Variants in ARHGAP22 observed in about 807,000 individuals in gnomAD.
The protein encoded by ARHGAP22 is Rho GTPase activating protein 22.
Under a neutral mutation model 59.1 loss-of-function variants are expected in ARHGAP22, and 48 were observed. That is an observed-to-expected ratio of 0.81 (90% confidence interval 0.64 to 1.03). ARHGAP22 has a LOEUF of 1.03. ARHGAP22 is among the 50% of genes least tolerant of loss of function. ARHGAP22 has a pLI of 0.00. For missense variants in ARHGAP22, 1,015 were observed against 958.7 expected (o/e 1.06, Z -0.78); for synonymous variants, 445 against 416.4 (o/e 1.07, Z -0.84).
chr10:48,539,086 C>A (rs2055651659), intron 3 of ARHGAP22, among the ~76,000 whole-genome samples: 1 of 152,158 alleles, frequency 6.6e-6, no homozygotes, highest in South Asian at 2.1e-4. Flanking sequence ...CTCACCATTG[C>A]CTTGACCAGC....
upstream of ARHGAP22, among the ~76,000 whole-genome samples, chr10:48,654,665 G>A (rs1281722037): frequency 3.1e-4 from 10 of 32,470 alleles, no homozygotes; most frequent in South Asian, 4.7e-3. Flanking sequence ...AGACTGCCCC[G>A]CTGGTGTGGT....
intron 3 of ARHGAP22, among the ~76,000 whole-genome samples, chr10:48,543,329 C>A (rs945698169): frequency 6.6e-6 from 1 of 152,108 alleles, no homozygotes; most frequent in Non-Finnish European, 1.5e-5. Flanking sequence ...GAGCACAGTG[C>A]CCAGAATCAA....
At chr10:48,503,900 C>T (rs1444776138) in intron 3 of ARHGAP22, among the ~76,000 whole-genome samples, 1 of 152,240 alleles carries the variant, frequency 6.6e-6, no homozygotes, top group Non-Finnish European at 1.5e-5. Flanking sequence ...AGATATGAAC[C>T]CCGGCTGGCC....
chr10:48,553,811 T>C (rs1453794429), intron 3 of ARHGAP22, among the ~76,000 whole-genome samples: 1 of 152,216 alleles, frequency 6.6e-6, no homozygotes, highest in Non-Finnish European at 1.5e-5. Context: ...ACACAGGTGA[T>C]GTCCCTTATC....
At chr10:48,552,453 C>T (rs73298285) in intron 3 of ARHGAP22, among the ~76,000 whole-genome samples, 12,312 of 152,322 alleles carry the variant, frequency 0.081, 551 homozygotes, top group Middle Eastern at 0.12. Context: ...CCCCTTGTCC[C>T]CCCAGATGCA....
At chr10:48,489,686 T>C (rs974670395) in intron 3 of ARHGAP22, among the ~76,000 whole-genome samples, 3 of 152,128 alleles carry the variant, frequency 2.0e-5, no homozygotes, top group African/African-American at 7.2e-5. Context: ...GCCACTGTGT[T>C]TCCACCCCAT....
At chr10:48,512,293 G>A (rs554546569) in intron 3 of ARHGAP22, among the ~76,000 whole-genome samples, 8 of 152,330 alleles carry the variant, frequency 5.3e-5, no homozygotes, top group South Asian at 2.1e-4. Context: ...ATACAAGAGC[G>A]CAGGCTCTGG....
At chr10:48,519,982 A>G (rs2134704143) in intron 3 of ARHGAP22, among the ~76,000 whole-genome samples, 1 of 152,318 alleles carries the variant, frequency 6.6e-6, no homozygotes, top group South Asian at 2.1e-4. Context: ...GCCAGCCAGG[A>G]AGCAGTGCCA....
rs753475568 is a variant in ARHGAP22, at chr10:48,451,120, G to A, written c.1009C>T (p.Leu337=). The change falls in exon 9 of 10, where the codon CTG becomes TTG. Residue 337 remains leucine (L), a synonymous_variant. Coordinates refer to ENST00000249601, the MANE Select transcript of ARHGAP22 (RefSeq NM_021226.4). The part of the protein sequence containing the change: ...IMEGTSLVQH[L]MTVLIRKHSQ... ...TGTTTGCGGATGAGGACGGTCATCA[G>A]GTGCTGGACGAGGGAAGTGCCTGCC... 87 of 1,552,556 alleles carry A rather than the reference G, an allele frequency of 5.6e-5. No homozygotes were observed. The highest frequency in any genetic ancestry group is 7.1e-5 in the Non-Finnish European group (81 of 1,147,994).
intron 4 of ARHGAP22, 128 bp downstream of exon 4, chr10:48,479,508 G>C (rs568452754): frequency 6.5e-7 from 1 of 1,538,118 alleles, no homozygotes; most frequent in Non-Finnish European, 8.8e-7. Flanking sequence ...CCAGCCTGCT[G>C]TGAGAAGCAC....
At chr10:48,483,229 A>G (rs981290035) in intron 3 of ARHGAP22, among the ~76,000 whole-genome samples, 1 of 152,172 alleles carries the variant, frequency 6.6e-6, no homozygotes, top group African/African-American at 2.4e-5. Flanking sequence ...TAGTGCTGCA[A>G]TAAACATTGG....
intron 3 of ARHGAP22, among the ~76,000 whole-genome samples, chr10:48,517,045 A>C (rs528347785): frequency 3.2e-4 from 49 of 152,320 alleles, no homozygotes; most frequent in African/African-American, 1.1e-3. Context: ...ATGGTTGCCT[A>C]GGCTGCAGGG....
intron 3 of ARHGAP22, among the ~76,000 whole-genome samples, chr10:48,520,005 G>C (rs990936237): frequency 6.6e-6 from 1 of 152,240 alleles, no homozygotes; most frequent in Non-Finnish European, 1.5e-5. Context: ...AAGGCGATAA[G>C]TCGAGGGAAT....
At chr10:48,639,916 A>G (rs2061974786) in intron 1 of ARHGAP22, among the ~76,000 whole-genome samples, 1 of 152,272 alleles carries the variant, frequency 6.6e-6, no homozygotes, top group African/African-American at 2.4e-5. Context: ...AGACTTTCAA[A>G]ATAGCTATTG....
upstream of ARHGAP22, chr10:48,656,265 T>TGGGG (rs760924651): frequency 4.9e-5 from 5 of 101,620 alleles, no homozygotes; most frequent in Admixed American, 1.7e-4. Context: ...TCGGCGCCTC[T>TGGGG]GGGGGGGGGG....
chr10:48,627,217 T>C (rs2061482611), intron 1 of ARHGAP22, among the ~76,000 whole-genome samples: 1 of 152,218 alleles, frequency 6.6e-6, no homozygotes, highest in Admixed American at 6.5e-5. Context: ...CAGTAGTGTT[T>C]TCCTGAGTTT....
At chr10:48,434,845 G>A in the ARHGAP22 span, 3 of 1,569,110 alleles carry the variant, frequency 1.9e-6, no homozygotes, top group South Asian at 1.2e-5. Context: ...ATCTGCAGCT[G>A]TCTGCAACTG....
chr10:48,442,099 T>G (rs897641686), downstream of ARHGAP22, among the ~76,000 whole-genome samples: 3 of 152,194 alleles, frequency 2.0e-5, no homozygotes, highest in African/African-American at 7.2e-5. Context: ...AAGTGTGACA[T>G]GAGTACACTG....
In ARHGAP22 at chr10:48,455,089, C is replaced by T; in HGVS notation, c.705G>A (p.Leu235=). The T allele has an allele frequency of 1.9e-6, 3 of 1,612,276 alleles. No individual in the cohort carries two copies. Among genetic ancestry groups the T allele is most frequent in the Non-Finnish European group, 2.5e-6 (3 of 1,179,478 alleles). The change falls in exon 6 of 10, where the codon CTG becomes CTA. Residue 235 remains leucine, a synonymous_variant. Transcript: ENST00000249601. ...HTVASLLKLY[L]RELPEPVVPF... ...GGACCACGGGCTCGGGGAGCTCCCG[C>T]AGGTACAGCTTCAGCAGGGAGGCCA... is the stretch of plus-strand genomic sequence containing the variant.
Sources: gnomAD v4.1 joint callset for allele counts (sites outside exome capture counted in the v4.1 genomes callset) on GRCh38, gnomAD v4.1.1 for gene constraint, MANE v1.5 for transcripts, NCBI Gene and HGNC (gene_info 2026-07-23, HGNC 2026-07-21) for gene names.